Variants in ELP4 observed in about 807,000 individuals in gnomAD.
ELP4 encodes the protein elongator complex protein 4.
Under a neutral mutation model 48.9 loss-of-function variants are expected in ELP4, and 51 were observed. That is an observed-to-expected ratio of 1.04 (90% CI 0.83 to 1.32). The LOEUF (loss-of-function observed/expected upper bound fraction) is 1.32. Among genes scored for constraint, ELP4 ranks in the 40% most tolerant of loss-of-function variants. ELP4 has a pLI of 0.00. For synonymous variants in ELP4, 210 were observed against 189.2 expected, an observed-to-expected ratio of 1.11 and a Z score of -0.90; for missense variants, 519 against 514.6, an observed-to-expected ratio of 1.01 and a Z score of -0.08.
At chr11:31,623,324 G>C (rs1417214966) in intron 5 of ELP4, among the ~76,000 whole-genome samples, 1 of 127,762 alleles carries the variant, frequency 7.8e-6, no homozygotes, top group Non-Finnish European at 1.6e-5. Flanking sequence ...CAAAATTTTA[G>C]ATGACAATAG....
intron 9 of ELP4, among the ~76,000 whole-genome samples, chr11:31,746,099 A>G (rs1323612669): frequency 1.3e-5 from 2 of 150,440 alleles, no homozygotes; most frequent in African/African-American, 5.0e-5. Flanking sequence ...ACACTTCTCA[A>G]AAGAAGACAT....
In ELP4 at chr11:31,554,945, G is replaced by A. The variant is rs541211392; in HGVS notation, c.381+15162G>A. On this transcript the variant is annotated intron_variant, in intron 3 of 9. Transcript: ENST00000640961. ...AGATTTTATATTCAATATGTTAACC[G>A]TAAAGTTGAATGTGTGATCTTTAGG... is the stretch of plus-strand genomic sequence containing the variant. Among the ~76,000 whole-genome samples the A allele has an allele frequency of 8.5e-5, 13 of 152,200 alleles. No homozygotes were observed. In the South Asian group the frequency reaches 1.5e-3, roughly 17 times the overall value.
intron 9 of ELP4, chr11:31,652,221 G>GT (rs567681364): frequency 1.4e-3 from 205 of 151,458 alleles, no homozygotes; most frequent in African/African-American, 4.5e-3. Flanking sequence ...AGTTTTTTGA[G>GT]TTTTTTTGTT....
rs77186305 is a variant in ELP4, at chr11:31,537,225, G to A, written c.260-2437G>A. ...ATGAGGCAAGATTGAAGTTTTTATC[G>A]CTTTTTGTTGTTTAAATATGGATAT... On this transcript the variant is annotated intron_variant, in intron 2 of 9. Coordinates refer to ENST00000640961, the MANE Select transcript of ELP4 (RefSeq NM_019040.5). Among the ~76,000 whole-genome samples, 859 of 152,054 alleles carry A rather than the reference G, an allele frequency of 5.6e-3. 11 individuals carry two copies. Among genetic ancestry groups the A allele is most frequent in the African/African-American group, 0.02 (827 of 41,492 alleles).
At chr11:31,656,564 G>T (rs995135939) in intron 9 of ELP4, among the ~76,000 whole-genome samples, 1 of 151,512 alleles carries the variant, frequency 6.6e-6, no homozygotes, top group Non-Finnish European at 1.5e-5. Flanking sequence ...TTGAACTTAG[G>T]GTCTAATATT....
chr11:31,517,981 A>T (rs1384727186), intron 1 of ELP4, among the ~76,000 whole-genome samples: 1 of 152,190 alleles, frequency 6.6e-6, no homozygotes, highest in East Asian at 1.9e-4. Context: ...CTCATTTTTT[A>T]AAATTTTAAG....
chr11:31,601,537 G>T (rs1592150204), intron 4 of ELP4, among the ~76,000 whole-genome samples: 1 of 151,964 alleles, frequency 6.6e-6, no homozygotes, highest in South Asian at 2.1e-4. Context: ...TCAATTTTCT[G>T]CCTTGATTCA....
At chr11:31,679,226 C>T (rs577445653) in intron 9 of ELP4, among the ~76,000 whole-genome samples, 3 of 152,086 alleles carry the variant, frequency 2.0e-5, no homozygotes, top group South Asian at 2.1e-4. Flanking sequence ...ATTCATGTAC[C>T]ACATATACCA....
At chr11:31,522,341 CTTGAAATT>C (rs1420436941) in intron 2 of ELP4, among the ~76,000 whole-genome samples, 1 of 152,134 alleles carries the variant, frequency 6.6e-6, no homozygotes, top group Non-Finnish European at 1.5e-5. Context: ...GCCTCCGTTC[CTTGAAATT>C]ATAGTGTCCT....
At chr11:31,632,714 A>C (rs1274256774) in intron 7 of ELP4, 1 of 203,232 alleles carries the variant, frequency 4.9e-6, no homozygotes, top group East Asian at 1.1e-4. Flanking sequence ...GATGAAGTTT[A>C]ATTTATAAAT....
At chr11:31,775,826 G>T (rs996711738) in intron 9 of ELP4, among the ~76,000 whole-genome samples, 1 of 152,072 alleles carries the variant, frequency 6.6e-6, no homozygotes, top group Non-Finnish European at 1.5e-5. Context: ...TTAGCTGGGC[G>T]TGGTAGCACA....
chr11:31,610,393 T>C (rs1592156740), intron 5 of ELP4, among the ~76,000 whole-genome samples: 1 of 152,308 alleles, frequency 6.6e-6, no homozygotes, highest in South Asian at 2.1e-4. Flanking sequence ...ATTCAAAGGG[T>C]ACATTTGCAG....
At chr11:31,574,521 G>T (rs1451099144) in intron 3 of ELP4, among the ~76,000 whole-genome samples, 3 of 152,252 alleles carry the variant, frequency 2.0e-5, no homozygotes, top group East Asian at 3.9e-4. Flanking sequence ...AACCTAACTG[G>T]GACACACCTC....
rs538254633 is a variant in ELP4, at chr11:31,630,336, A to ATT, written c.739-1870_739-1869dup. 9.4e-3 allele frequency among the ~76,000 whole-genome samples: 1,113 copies of ATT among 118,164 alleles called. 9 individuals carry two copies. The highest frequency in any genetic ancestry group is 0.013 in the Non-Finnish European group (733 of 56,696). The allele number at this position is 118,164 out of a possible 152,430, so 77.5% of individuals were successfully genotyped here. On this transcript the variant is annotated intron_variant, in intron 6 of 9. Transcript: ENST00000640961. ...AACAATGTTATCTTCTCTCCTTTTCATTTTTTTTTTTTAATGGAGTCTCAC... is the reference window on the plus strand; with the variant it reads ...AACAATGTTATCTTCTCTCCTTTTCATTTTTTTTTTTTTTAATGGAGTCTCAC...
Position 31,606,416 on chromosome 11 carries a change from G to A in ELP4, c.653+2509G>A, listed in dbSNP as rs377088217. Among the ~76,000 whole-genome samples, 51 of 152,094 alleles carry A rather than the reference G, an allele frequency of 3.4e-4. No homozygotes were observed. In the South Asian group the frequency reaches 8.9e-3, roughly 27 times the overall value. ...TTATAGCTGTGTCCTACTATCATAT[G>A]TGAGGATATAATATATAATTTTATA... is the stretch of plus-strand genomic sequence containing the variant. On this transcript the variant is annotated intron_variant, in intron 5 of 9. Transcript: ENST00000640961.
intron 3 of ELP4, among the ~76,000 whole-genome samples, chr11:31,555,187 A>G (rs758314488): frequency 7.2e-5 from 11 of 152,136 alleles, no homozygotes; most frequent in South Asian, 2.1e-4. Flanking sequence ...TATATGTGCT[A>G]TGTACTATCA....
intron 9 of ELP4, among the ~76,000 whole-genome samples, chr11:31,679,911 G>A (rs1349857739): frequency 6.6e-6 from 1 of 152,148 alleles, no homozygotes; most frequent in African/African-American, 2.4e-5. Context: ...TTCATTCCTA[G>A]GGCTGGGTCC....
intron 3 of ELP4, among the ~76,000 whole-genome samples, chr11:31,560,699 T>TATAAAACAACGTTGTTTTATATATAG (rs1957007035): frequency 6.8e-6 from 1 of 147,568 alleles, no homozygotes; most frequent in Non-Finnish European, 1.5e-5. Flanking sequence ...TTTATATATA[T>TATAAAACAACGTTGTTTTATATATAG]ATAAAACAAC....
intron 9 of ELP4, among the ~76,000 whole-genome samples, chr11:31,669,471 C>A (rs368802161): frequency 1.3e-5 from 2 of 152,272 alleles, no homozygotes; most frequent in South Asian, 4.1e-4. Flanking sequence ...GATGTCACTT[C>A]CTTTAAAATG....
Sources: allele counts gnomAD v4.1 joint callset (sites outside exome capture counted in the v4.1 genomes callset), GRCh38; gene constraint gnomAD v4.1.1; transcripts MANE v1.5; gene names NCBI Gene and HGNC (gene_info 2026-07-23, HGNC 2026-07-21).